PDZRN3: variants seen among roughly 807,000 people sequenced by gnomAD.
PDZRN3 encodes PDZ domain containing ring finger 3, also known as E3 ubiquitin-protein ligase PDZRN3.
PDZRN3 carries 38 observed loss-of-function variants against 85.7 expected under a neutral mutation model. That is an observed-to-expected ratio of 0.44 (90% CI 0.34 to 0.58). The LOEUF is 0.58. PDZRN3 is among the 20% of genes least tolerant of loss of function. PDZRN3 has a pLI of 0.01. For synonymous variants in PDZRN3, 759 were observed against 638.0 expected (o/e 1.19, Z -2.86); for missense variants, 1,629 against 1,506.4 (o/e 1.08, Z -1.35).
intron 3 of PDZRN3, among the ~76,000 whole-genome samples, chr3:73,444,731 G>A (rs1014502205): frequency 2.0e-5 from 3 of 152,148 alleles, no homozygotes; most frequent in Non-Finnish European, 4.4e-5. Flanking sequence ...ACCCCCATGG[G>A]GTAACTACAA....
rs183915149 is a variant in PDZRN3, at chr3:73,600,630, A to C, written c.918+1724T>G. 5.9e-5 allele frequency among the ~76,000 whole-genome samples: 9 copies of C among 152,274 alleles called. No individual in the cohort carries two copies. In the East Asian group the frequency reaches 1.5e-3, roughly 26 times the overall value. The stretch of plus-strand genomic sequence containing the variant: ...TGACTTACCAGAAACCGTACTCAAC[A>C]TTTCAAATACAGATCATCCTTTGCC... On this transcript the variant is annotated intron_variant, in intron 3 of 9. Transcript: ENST00000263666.
intron 3 of PDZRN3, among the ~76,000 whole-genome samples, chr3:73,463,884 C>A (rs891898796): frequency 4.6e-5 from 7 of 152,082 alleles, no homozygotes; most frequent in Admixed American, 3.3e-4. Flanking sequence ...TGTACAACCC[C>A]CATGACACAT....
At chr3:73,592,466 G>A (rs2106881810) in intron 3 of PDZRN3, among the ~76,000 whole-genome samples, 1 of 152,206 alleles carries the variant, frequency 6.6e-6, no homozygotes, top group Admixed American at 6.5e-5. Context: ...GGGTTAGCAG[G>A]AAAGAAGGAA....
intron 3 of PDZRN3, among the ~76,000 whole-genome samples, chr3:73,577,806 C>A (rs1702146516): frequency 6.6e-6 from 1 of 152,200 alleles, no homozygotes; most frequent in Admixed American, 6.5e-5. Flanking sequence ...AGTTACTGCC[C>A]TATGCTCTTC....
At chr3:73,615,125 T>A (rs1046472871) in intron 1 of PDZRN3, among the ~76,000 whole-genome samples, 1 of 152,152 alleles carries the variant, frequency 6.6e-6, no homozygotes, top group Non-Finnish European at 1.5e-5. Context: ...AGTCATAATA[T>A]CTGCACAATA....
At chr3:73,601,566 GA>G (rs1304348080) in intron 3 of PDZRN3, among the ~76,000 whole-genome samples, 6 of 152,238 alleles carry the variant, frequency 3.9e-5, no homozygotes, top group Admixed American at 3.3e-4. Context: ...AAAGAGCTAT[GA>G]AAATGGTCAA....
chr3:73,441,016 G>A (rs1411143693), intron 3 of PDZRN3, among the ~76,000 whole-genome samples: 1 of 152,174 alleles, frequency 6.6e-6, no homozygotes, highest in African/African-American at 2.4e-5. Flanking sequence ...GCAGGGGTCG[G>A]CAAACTTTTT....
chr3:73,500,062 T>TC (rs1179186378), intron 3 of PDZRN3, among the ~76,000 whole-genome samples: 1 of 152,134 alleles, frequency 6.6e-6, no homozygotes, highest in South Asian at 2.1e-4. Context: ...TTGCTTTTTT[T>TC]CCCCCACCTT....
At chr3:73,416,914 CAG>C (rs1164240670) in intron 3 of PDZRN3, among the ~76,000 whole-genome samples, 1 of 99,258 alleles carries the variant, frequency 1.0e-5, no homozygotes, top group Non-Finnish European at 2.0e-5. Flanking sequence ...TTTTTTGAGA[CAG>C]AGTCTCACTC....
intron 3 of PDZRN3, among the ~76,000 whole-genome samples, chr3:73,563,270 C>T (rs971372315): frequency 3.3e-5 from 5 of 150,854 alleles, no homozygotes; most frequent in Non-Finnish European, 5.9e-5. Flanking sequence ...CTCCTGACCT[C>T]GTGATCCGCC....
chr3:73,449,536 T>C (rs1439805971), intron 3 of PDZRN3, among the ~76,000 whole-genome samples: 1 of 152,230 alleles, frequency 6.6e-6, no homozygotes, highest in South Asian at 2.1e-4. Context: ...AGGACTTGTA[T>C]ATTGAACAAA....
chr3:73,614,432 C>T (rs945736115), intron 1 of PDZRN3, among the ~76,000 whole-genome samples: 1 of 152,198 alleles, frequency 6.6e-6, no homozygotes, highest in Admixed American at 6.5e-5. Context: ...TCAATGTGGA[C>T]TCTTTTTAAA....
rs376357845 is a variant in PDZRN3 at position 73,389,820 on chromosome 3, A to G, written c.1412T>C (p.Ile471Thr). The G allele has an allele frequency of 1.4e-5, 23 of 1,611,798 alleles. No homozygotes were observed. The highest frequency in any genetic ancestry group is 1.7e-5 in the Non-Finnish European group (20 of 1,177,996). ...DGRIREGDRI[I>T]QINGIEVQNR... ...ATTGTTTGGAAGTGGACTTACCTGG[A>G]TAATGCGGTCTCCTTCTCGGATGCG... Residue 471 changes from isoleucine (I) to threonine (T), a missense_variant, in exon 7 of 10, where the codon ATC becomes ACC. Physicochemically the swap from Ile to Thr is moderately conservative, Grantham distance 89. Transcript: ENST00000263666.
intron 1 of PDZRN3, among the ~76,000 whole-genome samples, chr3:73,615,941 T>G (rs1474797540): frequency 6.6e-6 from 1 of 152,138 alleles, no homozygotes; most frequent in Non-Finnish European, 1.5e-5. Flanking sequence ...AATTCCAACA[T>G]TGGAGGTGGG....
chr3:73,554,543 A>G (rs1464063840), intron 3 of PDZRN3, among the ~76,000 whole-genome samples: 3 of 152,138 alleles, frequency 2.0e-5, no homozygotes, highest in Non-Finnish European at 4.4e-5. Flanking sequence ...ACAAACCATA[A>G]TGTACGTTCA....
chr3:73,559,144 C>T (rs1701764043), intron 3 of PDZRN3, among the ~76,000 whole-genome samples: 1 of 152,190 alleles, frequency 6.6e-6, no homozygotes, highest in Admixed American at 6.5e-5. Flanking sequence ...TTGTCACAAC[C>T]TTTCTCTGGC....
intron 1 of PDZRN3, among the ~76,000 whole-genome samples, chr3:73,622,989 G>T (rs1050430129): frequency 6.6e-6 from 1 of 152,112 alleles, no homozygotes; most frequent in Non-Finnish European, 1.5e-5. Flanking sequence ...GCATGAAACT[G>T]CCCCTTAATG....
Position 73,593,478 on chromosome 3 carries a change from A to C in PDZRN3, c.918+8876T>G, listed in dbSNP as rs1252600140. On this transcript the variant is annotated intron_variant, in intron 3 of 9. Coordinates refer to ENST00000263666, the MANE Select transcript of PDZRN3 (RefSeq NM_015009.3). ...CTAACACGGACAGAGGATGGGAGAG[A>C]CACTCTGCCAAAGAGAAGCACCCAA... Among the ~76,000 whole-genome samples, 3 of 152,166 alleles carry C rather than the reference A, an allele frequency of 2.0e-5. No homozygotes were observed. In the East Asian group the frequency reaches 5.8e-4, roughly 29 times the overall value.
intron 3 of PDZRN3, among the ~76,000 whole-genome samples, chr3:73,416,876 G>GTTTTTTTTTT (rs146381615): frequency 1.0e-3 from 113 of 110,354 alleles, no homozygotes; most frequent in Non-Finnish European, 1.4e-3. Flanking sequence ...TTTTTTTTTG[G>GTTTTTTTTTT]TTTTTTTTTT....
Sources: gnomAD v4.1 joint callset for allele counts (sites outside exome capture counted in the v4.1 genomes callset) on GRCh38, gnomAD v4.1.1 for gene constraint, MANE v1.5 for transcripts, NCBI Gene and HGNC (gene_info 2026-07-23, HGNC 2026-07-21) for gene names.